Variants in ZNF385D observed in about 807,000 individuals in gnomAD.
ZNF385D encodes zinc finger protein 659.
A neutral mutation model predicts 35.8 loss-of-function variants in ZNF385D; 15 were observed. The observed-to-expected ratio is 0.42, with a 90% confidence interval of 0.28 to 0.64. ZNF385D has a LOEUF of 0.64. Ranked by LOEUF, ZNF385D falls within the 30% of genes least tolerant of loss-of-function variation. ZNF385D has a pLI of 0.23. For missense variants in ZNF385D, 474 were observed against 494.6 expected, an observed-to-expected ratio of 0.96 and a Z score of 0.39; for synonymous variants, 212 against 186.8, an observed-to-expected ratio of 1.13 and a Z score of -1.10.
intron 3 of ZNF385D, chr3:21,777,727 C>G (rs574590184): frequency 6.6e-6 from 1 of 152,010 alleles, no homozygotes; most frequent in African/African-American, 2.4e-5. Flanking sequence ...TATATTTCAA[C>G]TACTGCCTTA....
intron 2 of ZNF385D, among the ~76,000 whole-genome samples, chr3:22,329,855 GCTT>G (rs1055034879): frequency 7.9e-5 from 12 of 152,204 alleles, no homozygotes; most frequent in East Asian, 5.8e-4. Flanking sequence ...TATTGAGATA[GCTT>G]TTTTTGAATC....
rs1266888840 is a variant in ZNF385D, at chr3:21,417,043, C to CA, written c.*4170dup. ...AATAAGTGAGTACTAAGTGAATTAG[C>CA]AACTACTCCAATATTGGTGAAATGT... is the stretch of plus-strand genomic sequence containing the variant. On this transcript the variant is annotated 3_prime_UTR_variant, in exon 8 of 8. Transcript: ENST00000281523. 5 of 152,174 alleles carry CA rather than the reference C, an allele frequency of 3.3e-5. No homozygotes were observed. Among genetic ancestry groups the CA allele is most frequent in the Admixed American group, 2.6e-4 (4 of 15,278 alleles). 9.4% of individuals were successfully genotyped at this position (152,174 alleles called of 1,614,324 possible).
At chr3:22,101,223 CAA>C (rs1377482145) in intron 3 of ZNF385D, among the ~76,000 whole-genome samples, 5 of 151,886 alleles carry the variant, frequency 3.3e-5, no homozygotes, top group Non-Finnish European at 7.4e-5. Context: ...AAATTTCTCA[CAA>C]AGTCATGAAT....
rs533502903 is a variant in ZNF385D, at chr3:22,187,312, T to C, written c.107-18277A>G. Among the ~76,000 whole-genome samples the C allele has an allele frequency of 4.6e-5, 7 of 152,292 alleles. No homozygotes were observed. The East Asian group carries it at 1.2e-3, about 25-fold the overall frequency. On this transcript the variant is annotated intron_variant, in intron 2 of 5. Transcript: ENST00000494108. ...GCTAAACACTAATCAACACCATATGTTTTTCAATTAACTGGTGATACATAT... is the reference window on the plus strand; with the variant it reads ...GCTAAACACTAATCAACACCATATGCTTTTCAATTAACTGGTGATACATAT...
intron 2 of ZNF385D, among the ~76,000 whole-genome samples, chr3:22,201,513 G>T (rs1696798732): frequency 6.6e-6 from 1 of 151,926 alleles, no homozygotes. Context: ...CATTTTCATA[G>T]AATAGATACA....
intron 1 of ZNF385D, among the ~76,000 whole-genome samples, chr3:21,668,729 A>C (rs1393140800): frequency 6.6e-6 from 1 of 152,234 alleles, no homozygotes; most frequent in Non-Finnish European, 1.5e-5. Context: ...CAGCAACAAG[A>C]ATACTATTTG....
chr3:22,072,288 T>A (rs187741921), intron 3 of ZNF385D, among the ~76,000 whole-genome samples: 1 of 152,210 alleles, frequency 6.6e-6, no homozygotes, highest in East Asian at 1.9e-4. Context: ...CAACAGATGC[T>A]GTGACCTTAC....
At chr3:21,780,242 A>G (rs1323635001) in intron 3 of ZNF385D, among the ~76,000 whole-genome samples, 1 of 151,966 alleles carries the variant, frequency 6.6e-6, no homozygotes, top group Non-Finnish European at 1.5e-5. Context: ...CTCTTTAACA[A>G]TCCTATGAGA....
chr3:21,685,594 A>G lies in ZNF385D; in HGVS notation c.23-20566T>C, dbSNP rs17009308. Among the ~76,000 whole-genome samples, 187 of 152,344 alleles carry G rather than the reference A, an allele frequency of 1.2e-3. 1 individual carries two copies. The highest frequency in any genetic ancestry group is 5.4e-3 in the East Asian group (28 of 5,182). On this transcript the variant is annotated intron_variant, in intron 1 of 7. Coordinates refer to ENST00000281523, the MANE Select transcript of ZNF385D (RefSeq NM_024697.3). The stretch of plus-strand genomic sequence containing the variant: ...CCAACAAGAGGAAGTATTGGCACCA[A>G]AGAGCCGCTTCACCTGATGGATGTT...
intron 2 of ZNF385D, among the ~76,000 whole-genome samples, chr3:22,234,162 T>C (rs1466064406): frequency 1.3e-5 from 2 of 152,166 alleles, no homozygotes; most frequent in African/African-American, 4.8e-5. Flanking sequence ...TATATTTTAC[T>C]TTCCATACTC....
chr3:22,085,964 T>A (rs558814216), intron 3 of ZNF385D, among the ~76,000 whole-genome samples: 9 of 152,178 alleles, frequency 5.9e-5, no homozygotes, highest in Non-Finnish European at 1.0e-4. Flanking sequence ...CACGATTATC[T>A]CAATAGATGC....
At chr3:22,230,812 A>C (rs1235759482) in intron 2 of ZNF385D, among the ~76,000 whole-genome samples, 2 of 152,188 alleles carry the variant, frequency 1.3e-5, no homozygotes, top group Non-Finnish European at 2.9e-5. Flanking sequence ...CATGAGTTAC[A>C]AGTATTGTTG....
At chr3:21,943,266 A>G (rs1046735109) in intron 3 of ZNF385D, among the ~76,000 whole-genome samples, 12 of 151,242 alleles carry the variant, frequency 7.9e-5, no homozygotes, top group East Asian at 1.9e-4. Flanking sequence ...CACTGACTCT[A>G]TATTTGAATG....
intron 3 of ZNF385D, among the ~76,000 whole-genome samples, chr3:21,525,878 G>A (rs148570912): frequency 6.6e-6 from 1 of 152,078 alleles, no homozygotes; most frequent in East Asian, 1.9e-4. Context: ...AAATACAGCG[G>A]TTGTCTAAGT....
At chr3:22,265,563 C>T (rs1576586875) in intron 2 of ZNF385D, among the ~76,000 whole-genome samples, 1 of 151,946 alleles carries the variant, frequency 6.6e-6, no homozygotes, top group Admixed American at 6.6e-5. Context: ...TTGTCGCCAT[C>T]AACCTAACAC....
intron 2 of ZNF385D, among the ~76,000 whole-genome samples, chr3:22,236,388 G>A (rs1189736506): frequency 2.0e-5 from 3 of 152,064 alleles, no homozygotes; most frequent in African/African-American, 4.8e-5. Flanking sequence ...CTAGAGAAGA[G>A]AGGAGTAATC....
At chr3:22,243,686 G>A (rs1185755600) in intron 2 of ZNF385D, among the ~76,000 whole-genome samples, 1 of 151,038 alleles carries the variant, frequency 6.6e-6, no homozygotes, top group African/African-American at 2.4e-5. Context: ...GCCAAGCTCT[G>A]TGGCTACCTG....
At chr3:22,001,864 A>G (rs924000078) in intron 3 of ZNF385D, among the ~76,000 whole-genome samples, 2 of 152,080 alleles carry the variant, frequency 1.3e-5, no homozygotes, top group Non-Finnish European at 2.9e-5. Context: ...TCAAAAAAGA[A>G]ATTTTTAAAA....
chr3:21,924,999 A>AT (rs1370580867), intron 3 of ZNF385D, among the ~76,000 whole-genome samples: 3 of 152,144 alleles, frequency 2.0e-5, no homozygotes, highest in Admixed American at 6.6e-5. Context: ...CAAAACAATG[A>AT]TAAAAAAAGA....
Sources: gnomAD v4.1 joint callset for allele counts (sites outside exome capture counted in the v4.1 genomes callset) on GRCh38, gnomAD v4.1.1 for gene constraint, MANE v1.5 for transcripts, NCBI Gene and HGNC (gene_info 2026-07-23, HGNC 2026-07-21) for gene names.